The following PLEKHA1 variants were observed in gnomAD, a reference collection of about 807,000 sequenced individuals.
PLEKHA1 encodes the protein pleckstrin homology domain-containing family A member 1.
In PLEKHA1, 34 loss-of-function variants were observed where a neutral mutation model predicts 52.0. The ratio of observed to expected loss-of-function variants is 0.65; its 90% CI spans 0.50 to 0.87. PLEKHA1 has a LOEUF of 0.87. PLEKHA1 is among the 40% of genes least tolerant of loss of function. The probability of loss-of-function intolerance (pLI) is 0.00; values close to 1 mark genes in which losing one functional copy is unlikely to be tolerated. For missense variants in PLEKHA1, 497 were observed against 504.2 expected (o/e 0.99, Z 0.14); for synonymous variants, 163 against 170.7 (o/e 0.95, Z 0.35).
At chr10:122,380,354 G>T (rs78030497) in intron 1 of PLEKHA1, among the ~76,000 whole-genome samples, 4,196 of 152,238 alleles carry the variant, frequency 0.028, 206 homozygotes, top group African/African-American at 0.096. Flanking sequence ...AAACAGACAA[G>T]AATCAGGTAA....
chr10:122,426,948 AGCCCTGAAGAGAT>A lies in PLEKHA1; in HGVS notation c.820_832del (p.Pro274ThrfsTer12), dbSNP rs2097347835. On this transcript the variant is annotated frameshift_variant, in exon 11 of 12. Coordinates refer to ENST00000368990, the MANE Select transcript of PLEKHA1 (RefSeq NM_001001974.4). LOFTEE classifies it high-confidence loss of function. ...GAGTTCTTTTTTCCTTTAGGCTGATAGCCCTGAAGAGATGCACAGTTGGATTAAAGCAGTCTCT... is the reference window on the plus strand; with the variant it reads ...GAGTTCTTTTTTCCTTTAGGCTGATAGCACAGTTGGATTAAAGCAGTCTCT... The A allele has an allele frequency of 6.2e-7, 1 of 1,613,220 alleles. No homozygotes were observed. The highest frequency in any genetic ancestry group is 8.5e-7 in the Non-Finnish European group (1 of 1,179,402).
rs370300781 is a variant in PLEKHA1, at chr10:122,397,978, G to A, written c.198+4G>A. 1.9e-6 allele frequency: 3 copies of A among 1,603,906 alleles called. No individual in the cohort carries two copies. The highest frequency in any genetic ancestry group is 1.7e-6 in the Non-Finnish European group (2 of 1,171,642). On this transcript the variant is annotated splice_donor_region_variant and intron_variant, in intron 3 of 11. Transcript: ENST00000368990. ...TAAGCTTACCTACATTTCAAAGGTA[G>A]TCTTTATACATTGTCTTATACTCGT...
chr10:122,405,442 TAAAC>T (rs1165528027), intron 4 of PLEKHA1, among the ~76,000 whole-genome samples: 1 of 151,792 alleles, frequency 6.6e-6, no homozygotes, highest in East Asian at 1.9e-4. Context: ...GTAAAGAAAG[TAAAC>T]AAAACTTACA....
At chr10:122,375,528 C>T (rs993128057) in intron 1 of PLEKHA1, among the ~76,000 whole-genome samples, 1 of 152,252 alleles carries the variant, frequency 6.6e-6, no homozygotes, top group African/African-American at 2.4e-5. Flanking sequence ...CTGCCAACCG[C>T]AGAGCTTTGG....
At chr10:122,416,599 T>C (rs1258492963) in intron 7 of PLEKHA1, among the ~76,000 whole-genome samples, 4 of 152,356 alleles carry the variant, frequency 2.6e-5, no homozygotes, top group Middle Eastern at 3.4e-3. Context: ...AAAGCTGTTA[T>C]GGGTTAGCCC....
chr10:122,419,414 A>T (rs1436599384), intron 8 of PLEKHA1: 1 of 152,216 alleles, frequency 6.6e-6, no homozygotes, highest in Non-Finnish European at 1.5e-5. Context: ...AACTGGAAGT[A>T]GTAGTTACTT....
intron 1 of PLEKHA1, among the ~76,000 whole-genome samples, chr10:122,385,505 G>A (rs1328927584): frequency 2.0e-5 from 3 of 151,846 alleles, no homozygotes; most frequent in Admixed American, 6.6e-5. Context: ...TAGTAGAGAC[G>A]GGGCTTCTCC....
chr10:122,393,489 G>C lies in PLEKHA1; in HGVS notation c.141+148G>C. 1 of 631,526 alleles carries C rather than the reference G, an allele frequency of 1.6e-6. No individual in the cohort carries two copies. Among genetic ancestry groups the C allele is most frequent in the Non-Finnish European group, 2.3e-6 (1 of 427,928 alleles). 39.1% of individuals were successfully genotyped at this position (631,526 alleles called of 1,614,324 possible). A position where few individuals can be genotyped will look rare whatever the true frequency, so the allele number is the denominator to read the frequency against. ...GCTGTCCTCTCTGCCCTGCACCCCT[G>C]ACCTCTACTGTTTTGTTTGAATTTC... is the stretch of plus-strand genomic sequence containing the variant. On this transcript the variant is annotated intron_variant, in intron 2 of 11. Coordinates refer to ENST00000368990, the MANE Select transcript of PLEKHA1 (RefSeq NM_001001974.4). The surrounding 1 kb of genome is among the most constrained non-coding windows in gnomAD (Gnocchi z 4.5).
chr10:122,375,151 C>T (rs1313098941), intron 1 of PLEKHA1, among the ~76,000 whole-genome samples: 1 of 151,668 alleles, frequency 6.6e-6, no homozygotes, highest in African/African-American at 2.4e-5. Context: ...GCGGGAGGCC[C>T]GCGGCGGTCG....
chr10:122,431,353 C>G lies in PLEKHA1; in HGVS notation c.*1415C>G, dbSNP rs2097415210. 6.5e-6 allele frequency: 1 copy of G among 152,692 alleles called. No individual in the cohort carries two copies. The highest frequency in any genetic ancestry group is 2.4e-5 in the African/African-American group (1 of 41,444). The allele number at this position is 152,692 out of a possible 1,614,324, so 9.5% of individuals were successfully genotyped here. A position where few individuals can be genotyped will look rare whatever the true frequency, so the allele number is the denominator to read the frequency against. ...CAGGCTCGTCTCGAACTCCTGACTT[C>G]AGGTGATCCACCCATCTCAGCCTCC... On this transcript the variant is annotated 3_prime_UTR_variant, in exon 12 of 12. Coordinates refer to ENST00000368990, the MANE Select transcript of PLEKHA1 (RefSeq NM_001001974.4).
intron 10 of PLEKHA1, 50 bp from the exon 11 acceptor site, chr10:122,426,892 G>A (rs1421320029): frequency 7.0e-7 from 1 of 1,425,456 alleles, no homozygotes; most frequent in East Asian, 2.3e-5. Flanking sequence ...CTGTATAGAA[G>A]TAGGTGATTT....
At chr10:122,390,918 G>A (rs952275601) in intron 1 of PLEKHA1, among the ~76,000 whole-genome samples, 1 of 152,078 alleles carries the variant, frequency 6.6e-6, no homozygotes, top group Non-Finnish European at 1.5e-5. Flanking sequence ...CACCAGCAAC[G>A]TAGGAGGGTT....
At chr10:122,428,884 A>AGGAT (rs2097379750) in intron 11 of PLEKHA1, among the ~76,000 whole-genome samples, 1 of 152,222 alleles carries the variant, frequency 6.6e-6, no homozygotes, top group African/African-American at 2.4e-5. Flanking sequence ...GTCATATTTA[A>AGGAT]GGATATTTTC....
intron 4 of PLEKHA1, among the ~76,000 whole-genome samples, chr10:122,403,753 G>A (rs11200614): frequency 0.039 from 5,881 of 151,960 alleles, 413 homozygotes; most frequent in African/African-American, 0.14. Flanking sequence ...ATGCAATGGT[G>A]TAATCTTGGC....
At chr10:122,398,948 T>C (rs1286782616) in intron 3 of PLEKHA1, among the ~76,000 whole-genome samples, 2 of 152,192 alleles carry the variant, frequency 1.3e-5, no homozygotes, top group African/African-American at 4.8e-5. Context: ...CTATGTAAAT[T>C]TACATACGAC....
chr10:122,429,654 C>A lies in PLEKHA1; in HGVS notation c.931C>A (p.His311Asn), dbSNP rs148817741. Residue 311 changes from histidine (H) to asparagine (N), a missense_variant, in exon 12 of 12, where the codon CAC becomes AAC. His to Asn is a moderately conservative substitution (Grantham distance 68). Coordinates refer to ENST00000368990, the MANE Select transcript of PLEKHA1 (RefSeq NM_001001974.4). The stretch of plus-strand genomic sequence containing the variant: ...TCCCCCCGGTCCTTCAGAATCCAAA[C>A]ACGCTTTCCGTCCTACCAACGCAGC... ...EHPPGPSESK[H>N]AFRPTNAATA... 6.2e-7 allele frequency: 1 copy of A among 1,613,940 alleles called. No homozygotes were observed. Among genetic ancestry groups the A allele is most frequent in the South Asian group, 1.1e-5 (1 of 91,076 alleles).
chr10:122,437,071 A>G (rs1010839510), downstream of PLEKHA1: 1 of 149,004 alleles, frequency 6.7e-6, no homozygotes, highest in Non-Finnish European at 1.5e-5. Context: ...CTGTGGAAAC[A>G]TTTATTATTA....
chr10:122,424,745 A>C (rs2097312633), intron 9 of PLEKHA1, 151 bp from the exon 10 acceptor site: 1 of 519,190 alleles, frequency 1.9e-6, no homozygotes, highest in African/African-American at 2.0e-5. Context: ...AAAATCTTAC[A>C]TTAAAATAAA....
intron 1 of PLEKHA1, among the ~76,000 whole-genome samples, chr10:122,390,429 C>T (rs2096760265): frequency 1.3e-5 from 2 of 152,188 alleles, no homozygotes; most frequent in Admixed American, 1.3e-4. Context: ...TGGTCTGTCT[C>T]AGCTTTTGAC....
Sources: gnomAD v4.1 joint callset for allele counts (sites outside exome capture counted in the v4.1 genomes callset) on GRCh38, gnomAD v4.1.1 for gene constraint, Gnocchi (gnomAD v3.1) non-coding constraint, MANE v1.5 for transcripts, NCBI Gene and HGNC (gene_info 2026-07-23, HGNC 2026-07-21) for gene names.